The following SGCD variants were observed in gnomAD, a reference collection of about 807,000 sequenced individuals.
SGCD encodes the protein sarcoglycan delta, also known as delta-sarcoglycan.
SGCD carries 18 observed loss-of-function variants against 36.6 expected under a neutral mutation model. That is an observed-to-expected ratio of 0.49 (90% confidence interval 0.34 to 0.73). The LOEUF (loss-of-function observed/expected upper bound fraction) is 0.73. Among genes scored for constraint, SGCD ranks in the 30% least tolerant of loss-of-function variants. The pLI, the probability that SGCD is intolerant of heterozygous loss-of-function variation, is 0.01. For synonymous variants in SGCD, 133 were observed against 130.6 expected (o/e 1.02, Z -0.12); for missense variants, 387 against 346.7 (o/e 1.12, Z -0.92).
chr5:156,504,367 C>T (rs920670979), intron 3 of SGCD, among the ~76,000 whole-genome samples: 3 of 139,194 alleles, frequency 2.2e-5, no homozygotes, highest in African/African-American at 5.6e-5. Flanking sequence ...GTTATATGTA[C>T]ATGAGTATAT....
chr5:156,215,173 A>T (rs1274167627), intron 3 of SGCD, among the ~76,000 whole-genome samples: 1 of 152,102 alleles, frequency 6.6e-6, no homozygotes, highest in African/African-American at 2.4e-5. Flanking sequence ...GAAAAAAATG[A>T]TATCCAAATC....
At chr5:155,854,357 C>A in the SGCD span, among the ~76,000 whole-genome samples, 4 of 152,176 alleles carry the variant, frequency 2.6e-5, no homozygotes, top group African/African-American at 4.8e-5. Context: ...ATTGTTATTT[C>A]ATATAGGTTT....
At chr5:156,747,691 A>G (rs1052203397) in intron 7 of SGCD, among the ~76,000 whole-genome samples, 5 of 152,292 alleles carry the variant, frequency 3.3e-5, no homozygotes, top group African/African-American at 9.6e-5. Flanking sequence ...TCTTAAGCTC[A>G]TAAGTGATAT....
At position 156,344,510 on chromosome 5, in the gene SGCD, C is replaced by T. The variant is rs1320640424; in HGVS notation, c.25C>T (p.His9Tyr). The change falls in exon 3 of 9, where the codon CAC (histidine) becomes TAC (tyrosine). Residue 9 changes from histidine to tyrosine, a missense_variant. Physicochemically the swap from His to Tyr is moderately conservative, Grantham distance 83. Coordinates refer to ENST00000337851, the MANE Select transcript of SGCD (RefSeq NM_000337.6). MMPQEQYT[H>Y]HRSTMPGSVG... ...TCAGATGCCTCAGGAGCAGTACACT[C>T]ACCACCGGAGCACCATGCCTGGCTC... is the stretch of plus-strand genomic sequence containing the variant. 7 of 1,605,624 alleles carry T rather than the reference C, an allele frequency of 4.4e-6. No homozygotes were observed. The highest frequency in any genetic ancestry group is 1.3e-5 in the African/African-American group (1 of 74,448).
chr5:156,467,175 T>A (rs2127823743), intron 3 of SGCD, among the ~76,000 whole-genome samples: 1 of 152,352 alleles, frequency 6.6e-6, no homozygotes, highest in African/African-American at 2.4e-5. Context: ...CAGGCTGGAT[T>A]TGATTCATAG....
intron 6 of SGCD, among the ~76,000 whole-genome samples, chr5:156,623,591 G>C (rs1762335834): frequency 1.3e-5 from 2 of 152,168 alleles, no homozygotes; most frequent in African/African-American, 4.8e-5. Flanking sequence ...ACGGTGCATT[G>C]TTCTTCCCAC....
intron 3 of SGCD, among the ~76,000 whole-genome samples, chr5:156,212,659 A>G (rs1764475719): frequency 6.6e-6 from 1 of 152,168 alleles, no homozygotes; most frequent in African/African-American, 2.4e-5. Flanking sequence ...TAGATCTAAT[A>G]GAAATACAGA....
intron 3 of SGCD, among the ~76,000 whole-genome samples, chr5:156,399,500 G>A (rs1371576710): frequency 6.6e-6 from 1 of 152,188 alleles, no homozygotes; most frequent in African/African-American, 2.4e-5. Flanking sequence ...TTACTGGCCA[G>A]CTTCCTTGAT....
At chr5:155,982,492 G>A (rs953170621) in intron 1 of SGCD, among the ~76,000 whole-genome samples, 7 of 152,064 alleles carry the variant, frequency 4.6e-5, no homozygotes, top group Admixed American at 3.9e-4. Flanking sequence ...TGTTTGTACT[G>A]CTTGGGCCAG....
At chr5:156,264,824 T>TC (rs1765960151) in intron 3 of SGCD, among the ~76,000 whole-genome samples, 1 of 152,118 alleles carries the variant, frequency 6.6e-6, no homozygotes, top group Non-Finnish European at 1.5e-5. Flanking sequence ...ACTGCTTTTT[T>TC]CCCCAGCACC....
intron 3 of SGCD, among the ~76,000 whole-genome samples, chr5:156,380,951 G>T (rs1182187573): frequency 6.6e-6 from 1 of 152,202 alleles, no homozygotes; most frequent in Non-Finnish European, 1.5e-5. Context: ...ATCAGAGTTT[G>T]AGACACCGTT....
intron 1 of SGCD, among the ~76,000 whole-genome samples, chr5:155,998,185 C>A (rs1462039248): frequency 6.6e-6 from 1 of 152,130 alleles, no homozygotes; most frequent in East Asian, 1.9e-4. Flanking sequence ...GAAGTTATTG[C>A]AGCTTAGCAT....
At chr5:156,200,148 T>G (rs1581164259) in intron 3 of SGCD, among the ~76,000 whole-genome samples, 1 of 152,258 alleles carries the variant, frequency 6.6e-6, no homozygotes, top group East Asian at 1.9e-4. Context: ...TGGAATTTTT[T>G]GCAGAAAGAG....
chr5:156,544,971 C>T (rs537933479), intron 4 of SGCD, among the ~76,000 whole-genome samples: 63 of 152,290 alleles, frequency 4.1e-4, no homozygotes, highest in African/African-American at 1.4e-3. Context: ...TGGGTGACCT[C>T]TTCAAATGTT....
the SGCD span, among the ~76,000 whole-genome samples, chr5:155,746,503 G>A: frequency 6.6e-6 from 1 of 152,156 alleles, no homozygotes; most frequent in African/African-American, 2.4e-5. Flanking sequence ...AGTCAGAGCA[G>A]GCTGCTCAAA....
At chr5:156,060,959 T>C (rs1264179695) in intron 1 of SGCD, among the ~76,000 whole-genome samples, 1 of 145,344 alleles carries the variant, frequency 6.9e-6, no homozygotes. Flanking sequence ...CCAGTTCCTA[T>C]CACCGTGGTC....
At chr5:155,871,935 G>GGA (rs1755664070) in intron 1 of SGCD, among the ~76,000 whole-genome samples, 1 of 152,202 alleles carries the variant, frequency 6.6e-6, no homozygotes, top group African/African-American at 2.4e-5. Flanking sequence ...GAGTTGGAGA[G>GGA]GAGAAGCTCA....
chr5:156,032,534 T>A (rs908227668), intron 1 of SGCD, among the ~76,000 whole-genome samples: 3 of 150,926 alleles, frequency 2.0e-5, no homozygotes, highest in African/African-American at 7.3e-5. Flanking sequence ...CTGGCTAACA[T>A]GGTGAAAACC....
chr5:156,193,454 C>T (rs35426260), intron 3 of SGCD, among the ~76,000 whole-genome samples: 38,648 of 152,074 alleles, frequency 0.25, 6,041 homozygotes, highest in Non-Finnish European at 0.34. Flanking sequence ...TAGTAACCTC[C>T]AAAAGATGCT....
Sources: allele counts gnomAD v4.1 joint callset (sites outside exome capture counted in the v4.1 genomes callset), GRCh38; gene constraint gnomAD v4.1.1; transcripts MANE v1.5; gene names NCBI Gene and HGNC (gene_info 2026-07-23, HGNC 2026-07-21).